Variants in PLXNA4 observed in about 807,000 individuals in gnomAD.
PLXNA4 encodes the protein plexin-A4.
In PLXNA4, 44 loss-of-function variants were observed where a neutral mutation model predicts 191.8. The observed-to-expected ratio is 0.23, with a 90% confidence interval of 0.18 to 0.29. PLXNA4 has a LOEUF of 0.29. Ranked by LOEUF, PLXNA4 falls within the 10% of genes least tolerant of loss-of-function variation. PLXNA4 has a pLI of 1.00. For synonymous variants in PLXNA4, 1,082 were observed against 1,009.5 expected, an observed-to-expected ratio of 1.07 and a Z score of -1.36; for missense variants, 1,800 against 2,488.8, an observed-to-expected ratio of 0.72 and a Z score of 5.89.
intron 3 of PLXNA4, among the ~76,000 whole-genome samples, chr7:132,475,701 G>A (rs1032085161): frequency 2.2e-4 from 34 of 152,042 alleles, no homozygotes; most frequent in Non-Finnish European, 3.5e-4. Context: ...GCCGGGAAGC[G>A]AGGTCAGCAA....
intron 3 of PLXNA4, among the ~76,000 whole-genome samples, chr7:132,325,531 A>T (rs1304367546): frequency 6.6e-6 from 1 of 152,168 alleles, no homozygotes; most frequent in Non-Finnish European, 1.5e-5. Context: ...GGTGGAGTCT[A>T]CACCATATTA....
intron 2 of PLXNA4, among the ~76,000 whole-genome samples, chr7:132,490,209 A>C (rs1797737509): frequency 6.6e-6 from 1 of 152,214 alleles, no homozygotes; most frequent in African/African-American, 2.4e-5. Flanking sequence ...CTACACCAGC[A>C]CTTCCCAAAG....
chr7:132,396,636 G>A (rs1793775184), intron 3 of PLXNA4, among the ~76,000 whole-genome samples: 1 of 152,180 alleles, frequency 6.6e-6, no homozygotes, highest in Non-Finnish European at 1.5e-5. Context: ...GATTACAGGT[G>A]TGTGCAACCA....
intron 4 of PLXNA4, among the ~76,000 whole-genome samples, chr7:132,267,590 A>C (rs1799905104): frequency 6.6e-6 from 1 of 152,232 alleles, no homozygotes; most frequent in Non-Finnish European, 1.5e-5. Flanking sequence ...CCTTGGAAAC[A>C]TCATGCCATC....
upstream of PLXNA4, among the ~76,000 whole-genome samples, chr7:132,578,649 G>GA (rs1158550072): frequency 1.3e-5 from 2 of 152,148 alleles, no homozygotes; most frequent in African/African-American, 4.8e-5. Flanking sequence ...ACCCAGAGAG[G>GA]ACCCTGCTGA....
In PLXNA4 at chr7:132,466,201, G is replaced by A. The variant is rs187910525; in HGVS notation, c.1371+23091C>T. On this transcript the variant is annotated intron_variant, in intron 3 of 31. Coordinates refer to ENST00000321063, the MANE Select transcript of PLXNA4 (RefSeq NM_020911.2). ...CAAGAGAGAGGGCCAGTGTGAAAGG[G>A]GGAAATATGCAGGAGGGACAATGTC... Among the ~76,000 whole-genome samples, 275 of 152,292 alleles carry A rather than the reference G, an allele frequency of 1.8e-3. 3 individuals carry two copies. The highest frequency in any genetic ancestry group is 6.1e-3 in the African/African-American group (252 of 41,568).
intron 3 of PLXNA4, among the ~76,000 whole-genome samples, chr7:132,302,116 T>A (rs544306643): frequency 6.6e-6 from 1 of 152,150 alleles, no homozygotes; most frequent in Non-Finnish European, 1.5e-5. Flanking sequence ...AGTTTGGCCA[T>A]GGAGAGAGAG....
chr7:132,606,149 G>A (rs1802919887), intron 2 of PLXNA4, among the ~76,000 whole-genome samples: 1 of 152,174 alleles, frequency 6.6e-6, no homozygotes, highest in Admixed American at 6.5e-5. Flanking sequence ...AGGCGACACA[G>A]CAAGACTCTG....
chr7:132,626,047 C>G (rs1803364394), intron 2 of PLXNA4, among the ~76,000 whole-genome samples: 1 of 152,178 alleles, frequency 6.6e-6, no homozygotes, highest in Non-Finnish European at 1.5e-5. Context: ...GAATTCATCA[C>G]CCTTACCCTT....
chr7:132,146,087 A>C (rs1795423389), intron 28 of PLXNA4, among the ~76,000 whole-genome samples: 1 of 149,948 alleles, frequency 6.7e-6, no homozygotes, highest in South Asian at 2.1e-4. Flanking sequence ...CTCAAAAAAA[A>C]AAAAAAAAAA....
intron 2 of PLXNA4, among the ~76,000 whole-genome samples, chr7:132,583,400 G>A (rs1006174144): frequency 5.3e-5 from 8 of 152,228 alleles, no homozygotes; most frequent in South Asian, 2.1e-4. Context: ...AAAGCTGATC[G>A]TCCACTTTCC....
At chr7:132,216,104 C>G (rs1342746531) in intron 9 of PLXNA4, among the ~76,000 whole-genome samples, 1 of 152,186 alleles carries the variant, frequency 6.6e-6, no homozygotes, top group Non-Finnish European at 1.5e-5. Context: ...AGATCCAATG[C>G]TCACTCTGGG....
chr7:132,417,604 C>A (rs1458037865), intron 3 of PLXNA4, among the ~76,000 whole-genome samples: 1 of 144,140 alleles, frequency 6.9e-6, no homozygotes, highest in Non-Finnish European at 1.5e-5. Context: ...AATAAATAAG[C>A]AATACAATAG....
chr7:132,641,563 A>T lies in PLXNA4; in HGVS notation c.-87+4365T>A, dbSNP rs145700787. On this transcript the variant is annotated intron_variant, in intron 2 of 4. Transcript: ENST00000378539. ...GCTCCAACATGTGACTTTAAGGGGG[A>T]CACAATTCAGGCTACAACAGTCTTG... Among the ~76,000 whole-genome samples, 391 of 152,230 alleles carry T rather than the reference A, an allele frequency of 2.6e-3. 2 individuals carry two copies. Among genetic ancestry groups the T allele is most frequent in the African/African-American group, 8.7e-3 (362 of 41,544 alleles).
chr7:132,326,591 C>T (rs910013197), intron 3 of PLXNA4, among the ~76,000 whole-genome samples: 1 of 152,286 alleles, frequency 6.6e-6, no homozygotes, highest in Non-Finnish European at 1.5e-5. Context: ...CGCTTGGATG[C>T]TCTCTCGGAG....
At chr7:132,183,042 C>T (rs748245891) in intron 16 of PLXNA4, among the ~76,000 whole-genome samples, 5 of 152,290 alleles carry the variant, frequency 3.3e-5, no homozygotes, top group Admixed American at 6.5e-5. Context: ...GGAGCATCTT[C>T]GAGAAGAATC....
At chr7:132,512,670 C>T (rs1157601766) in intron 1 of PLXNA4, among the ~76,000 whole-genome samples, 1 of 152,198 alleles carries the variant, frequency 6.6e-6, no homozygotes, top group Non-Finnish European at 1.5e-5. Flanking sequence ...AGGTGACACC[C>T]CGCCGAGCTT....
At position 132,489,458 on chromosome 7, in the gene PLXNA4, T is replaced by C. The variant is rs746474392; in HGVS notation, c.1205A>G (p.Asp402Gly). Reference sequence around the variant, plus strand: ...ATTCATGTCCAGGCCACAGAAGTTATCGTCAATGGTTAAGAGCTGCAAATT... The same window carrying C: ...ATTCATGTCCAGGCCACAGAAGTTACCGTCAATGGTTAAGAGCTGCAAATT... Reference protein sequence around the residue: ...PCSSALLTIDDNFCGLDMNAP... With the variant: ...PCSSALLTIDGNFCGLDMNAP... The change falls in exon 3 of 32, where the codon GAT (aspartate) becomes GGT (glycine). Residue 402 changes from aspartate (D) to glycine (G), a missense_variant. Transcript: ENST00000321063. 1.3e-6 allele frequency: 2 copies of C among 1,570,586 alleles called. No homozygotes were observed. The highest frequency in any genetic ancestry group is 1.7e-6 in the Non-Finnish European group (2 of 1,146,032).
intron 4 of PLXNA4, among the ~76,000 whole-genome samples, chr7:132,241,621 C>T (rs917307845): frequency 7.9e-5 from 12 of 152,174 alleles, no homozygotes; most frequent in Non-Finnish European, 1.2e-4. Context: ...CTTCAAGTTT[C>T]GTCATTTTTG....
Sources: gnomAD v4.1 joint callset for allele counts (sites outside exome capture counted in the v4.1 genomes callset) on GRCh38, gnomAD v4.1.1 for gene constraint, MANE v1.5 for transcripts, NCBI Gene and HGNC (gene_info 2026-07-23, HGNC 2026-07-21) for gene names.